Variants in ZNF804B observed in about 807,000 individuals in gnomAD.
ZNF804B encodes the protein zinc finger protein 804B.
ZNF804B carries 80 observed loss-of-function variants against 101.4 expected under a neutral mutation model. That is an observed-to-expected ratio of 0.79 (90% CI 0.66 to 0.95). The LOEUF is 0.95. Ranked by LOEUF, ZNF804B falls within the 40% of genes least tolerant of loss-of-function variation. The pLI, the probability that ZNF804B is intolerant of heterozygous loss-of-function variation, is 0.00. For synonymous variants in ZNF804B, 622 were observed against 558.8 expected (o/e 1.11, Z -1.59); for missense variants, 1,673 against 1,561.9 (o/e 1.07, Z -1.20).
At chr7:88,762,809 A>G (rs1789919158) in intron 1 of ZNF804B, among the ~76,000 whole-genome samples, 1 of 151,966 alleles carries the variant, frequency 6.6e-6, no homozygotes, top group African/African-American at 2.4e-5. Context: ...GTATAGAGAT[A>G]TTCTTAGTTG....
rs1424010319 is a variant in ZNF804B, at chr7:89,024,596, AC to A, written c.109-193558del. On this transcript the variant is annotated intron_variant, in intron 1 of 3. Transcript: ENST00000333190. The stretch of plus-strand genomic sequence containing the variant: ...ACTGACAGTTGCTAAGAAAGCTATT[AC>A]TTTTTTTTTTTTTTTTTTTTACAAA... Among the ~76,000 whole-genome samples, 16 of 58,728 alleles carry A rather than the reference AC, an allele frequency of 2.7e-4. No homozygotes were observed. The East Asian group carries it at 5.2e-3, about 19-fold the overall frequency. The allele number at this position is 58,728 out of a possible 152,430, so 38.5% of individuals were successfully genotyped here.
intron 1 of ZNF804B, among the ~76,000 whole-genome samples, chr7:88,781,831 T>G (rs1438689234): frequency 6.6e-6 from 1 of 152,070 alleles, no homozygotes; most frequent in Non-Finnish European, 1.5e-5. Context: ...CTCAGGCTCT[T>G]ATTAGCTTCA....
In ZNF804B at chr7:89,003,404, C is replaced by T. The variant is rs143767291; in HGVS notation, c.109-214751C>T. ...GCTTTATTTTGCTAAGTTCAGAATG[C>T]ACAGTGGGATAATGTGTGATCTGGA... On this transcript the variant is annotated intron_variant, in intron 1 of 3. Coordinates refer to ENST00000333190, the MANE Select transcript of ZNF804B (RefSeq NM_181646.5). Among the ~76,000 whole-genome samples the T allele has an allele frequency of 4.5e-3, 691 of 152,020 alleles. 7 individuals carry two copies. Among genetic ancestry groups the T allele is most frequent in the African/African-American group, 0.016 (658 of 41,514 alleles).
At chr7:89,250,211 G>T (rs1789517696) in intron 2 of ZNF804B, among the ~76,000 whole-genome samples, 1 of 151,742 alleles carries the variant, frequency 6.6e-6, no homozygotes, top group South Asian at 2.1e-4. Flanking sequence ...TAGGTAAAAA[G>T]AGAGAAGATC....
intron 1 of ZNF804B, among the ~76,000 whole-genome samples, chr7:88,960,260 C>A (rs1346786731): frequency 4.6e-5 from 7 of 151,234 alleles, no homozygotes; most frequent in African/African-American, 1.7e-4. Context: ...AGAAATAAGA[C>A]CCCACCCCTA....
At position 89,334,170 on chromosome 7, in the gene ZNF804B, G is replaced by A; in HGVS notation, c.1188G>A (p.Lys396=). ...EFSSLEPSEQ[K]STVHLNPNSR... ...CATCACTGGAGCCAAGTGAACAAAA[G>A]AGTACAGTGCATCTGAATCCAAATT... The change falls in exon 4 of 4, where the codon AAG becomes AAA. Residue 396 remains lysine, a synonymous_variant. Coordinates refer to ENST00000333190, the MANE Select transcript of ZNF804B (RefSeq NM_181646.5). The A allele has an allele frequency of 1.2e-6, 2 of 1,613,514 alleles. No individual in the cohort carries two copies. The highest frequency in any genetic ancestry group is 1.7e-6 in the Non-Finnish European group (2 of 1,179,820).
chr7:89,086,617 T>C (rs1236234918), intron 1 of ZNF804B, among the ~76,000 whole-genome samples: 1 of 151,974 alleles, frequency 6.6e-6, no homozygotes, highest in Admixed American at 6.6e-5. Flanking sequence ...TGGGATAAAT[T>C]GTCCTACCTT....
intron 1 of ZNF804B, among the ~76,000 whole-genome samples, chr7:89,056,359 A>G (rs576899762): frequency 1.3e-5 from 2 of 152,120 alleles, no homozygotes; most frequent in African/African-American, 4.8e-5. Flanking sequence ...AACATTAAAC[A>G]TAGAGAAAAG....
At chr7:88,805,387 A>G (rs926863032) in intron 1 of ZNF804B, among the ~76,000 whole-genome samples, 3 of 152,202 alleles carry the variant, frequency 2.0e-5, no homozygotes, top group African/African-American at 7.2e-5. Flanking sequence ...AATATTAGCT[A>G]TGTGCTAGAT....
rs116371517 is a variant in ZNF804B at position 89,155,068 on chromosome 7, A to T, written c.109-63087A>T. On this transcript the variant is annotated intron_variant, in intron 1 of 3. Coordinates refer to ENST00000333190, the MANE Select transcript of ZNF804B (RefSeq NM_181646.5). Reference sequence around the variant, plus strand: ...TTAAAAATTAAAAAATATTCTATTTAAAAAATCCATATATCTTATTGTATG... The same window carrying T: ...TTAAAAATTAAAAAATATTCTATTTTAAAAATCCATATATCTTATTGTATG... 9.0e-3 allele frequency among the ~76,000 whole-genome samples: 1,377 copies of T among 152,298 alleles called. 21 individuals are homozygous for T. The highest frequency in any genetic ancestry group is 0.031 in the African/African-American group (1,288 of 41,566).
intron 1 of ZNF804B, among the ~76,000 whole-genome samples, chr7:89,200,522 C>A (rs1289199824): frequency 6.6e-6 from 1 of 151,888 alleles, no homozygotes. Flanking sequence ...TTTGATCAGA[C>A]CCAGAGAATG....
At chr7:88,903,777 C>T (rs1224402770) in intron 1 of ZNF804B, among the ~76,000 whole-genome samples, 1 of 152,050 alleles carries the variant, frequency 6.6e-6, no homozygotes, top group Non-Finnish European at 1.5e-5. Flanking sequence ...CGTCCATGCC[C>T]TTCGCCCTTT....
chr7:89,211,371 A>G (rs567941614), intron 1 of ZNF804B, among the ~76,000 whole-genome samples: 2 of 152,214 alleles, frequency 1.3e-5, no homozygotes, highest in East Asian at 3.9e-4. Flanking sequence ...CTCTCTGATT[A>G]GATCCCATTT....
chr7:88,990,624 G>A (rs1438124283), intron 1 of ZNF804B, among the ~76,000 whole-genome samples: 1 of 152,038 alleles, frequency 6.6e-6, no homozygotes, highest in African/African-American at 2.4e-5. Flanking sequence ...TACAGCTAAG[G>A]AAATTTATCT....
chr7:88,828,063 G>C (rs1259780141), intron 1 of ZNF804B, among the ~76,000 whole-genome samples: 1 of 151,702 alleles, frequency 6.6e-6, no homozygotes, highest in African/African-American at 2.4e-5. Context: ...TCCCTTCATA[G>C]CCTCTCATAG....
rs180894185 is a variant in ZNF804B at position 89,334,329 on chromosome 7, G to A, written c.1347G>A (p.Lys449=). ...TACCTTTTCTCCACGTTCAAAGCAA[G>A]GATGGCCACACCACTCTTCAATGGC... ...KPLPFLHVQS[K]DGHTTLQWPT... The change falls in exon 4 of 4, where the codon AAG becomes AAA. Residue 449 remains lysine (K), a synonymous_variant. Coordinates refer to ENST00000333190, the MANE Select transcript of ZNF804B (RefSeq NM_181646.5). The A allele has an allele frequency of 2.3e-4, 371 of 1,613,844 alleles. No homozygotes were observed. The East Asian group carries it at 7.5e-3, about 32-fold the overall frequency.
chr7:89,219,829 A>G (rs1043916558), intron 2 of ZNF804B, among the ~76,000 whole-genome samples: 1 of 147,002 alleles, frequency 6.8e-6, no homozygotes, highest in African/African-American at 2.5e-5. Context: ...TATTGAGTGT[A>G]TACTAAATAT....
Position 89,335,629 on chromosome 7 carries a change from C to A in ZNF804B, c.2647C>A (p.Leu883Met). The A allele has an allele frequency of 6.2e-7, 1 of 1,613,940 alleles. No individual in the cohort carries two copies. Among genetic ancestry groups the A allele is most frequent in the Non-Finnish European group, 8.5e-7 (1 of 1,179,942 alleles). ...ESLGSPHICD[L>M]GKVRPMKCNS... ...TTTGGGCAGCCCTCACATTTGTGAT[C>A]TGGGAAAAGTCAGGCCCATGAAGTG... is the stretch of plus-strand genomic sequence containing the variant. Residue 883 changes from leucine (L) to methionine (M), a missense_variant, in exon 4 of 4, where the codon CTG becomes ATG. Transcript: ENST00000333190.
At chr7:89,171,232 A>G (rs897742003) in intron 1 of ZNF804B, among the ~76,000 whole-genome samples, 7 of 152,066 alleles carry the variant, frequency 4.6e-5, no homozygotes, top group East Asian at 1.9e-4. Flanking sequence ...TATGTCTATT[A>G]CCTTATTTGT....
Sources: allele counts gnomAD v4.1 joint callset (sites outside exome capture counted in the v4.1 genomes callset), GRCh38; gene constraint gnomAD v4.1.1; transcripts MANE v1.5; gene names NCBI Gene and HGNC (gene_info 2026-07-23, HGNC 2026-07-21).